The following FSTL4 variants were observed in gnomAD, a reference collection of about 807,000 sequenced individuals.
The protein encoded by FSTL4 is follistatin-related protein 4.
A neutral mutation model predicts 78.2 loss-of-function variants in FSTL4; 28 were observed. The observed-to-expected ratio is 0.36, with a 90% CI of 0.27 to 0.49. The LOEUF is 0.49. Ranked by LOEUF, FSTL4 falls within the 20% of genes least tolerant of loss-of-function variation. The pLI is 0.98. For missense variants in FSTL4, 922 were observed against 1,084.9 expected (o/e 0.85, Z 2.11); for synonymous variants, 422 against 440.5 (o/e 0.96, Z 0.53).
chr5:133,346,590 C>T lies in FSTL4; in HGVS notation c.410-29938G>A, dbSNP rs75933531. On this transcript the variant is annotated intron_variant, in intron 4 of 15. Transcript: ENST00000265342. ...AATGTTCTGAAATATCAAGAGGATACGCAACTATACAACTGTGGGTCTTTT... is the reference window on the plus strand; with the variant it reads ...AATGTTCTGAAATATCAAGAGGATATGCAACTATACAACTGTGGGTCTTTT... Among the ~76,000 whole-genome samples the T allele has an allele frequency of 5.5e-3, 833 of 152,098 alleles. 7 individuals are homozygous for T. The highest frequency in any genetic ancestry group is 0.019 in the African/African-American group (792 of 41,506).
the FSTL4 span, among the ~76,000 whole-genome samples, chr5:133,685,537 G>A: frequency 6.6e-6 from 1 of 152,248 alleles, no homozygotes. Flanking sequence ...AGACAGTGAA[G>A]TGCTGCATTC....
At chr5:133,251,753 A>T (rs1014798199) in intron 6 of FSTL4, among the ~76,000 whole-genome samples, 5 of 152,124 alleles carry the variant, frequency 3.3e-5, no homozygotes, top group Middle Eastern at 3.4e-3. Context: ...CCTAGACCGA[A>T]CCCCTGGTGT....
rs187529248 is a variant in FSTL4 at position 133,201,387 on chromosome 5, G to A, written c.1826+546C>T. 7.2e-5 allele frequency among the ~76,000 whole-genome samples: 11 copies of A among 152,296 alleles called. No homozygotes were observed. The South Asian group carries it at 1.5e-3, about 20-fold the overall frequency. On this transcript the variant is annotated intron_variant, in intron 15 of 15. Transcript: ENST00000265342. ...AATCAGGAAGCCTTGTCTCGTTGTG[G>A]GCTCCCCACACAGATGCTCTGGGGG...
the FSTL4 span, among the ~76,000 whole-genome samples, chr5:133,731,611 TG>T: frequency 2.6e-5 from 4 of 152,080 alleles, no homozygotes; most frequent in Admixed American, 2.0e-4. Context: ...TTGGCTTGGG[TG>T]GGGGGCCAAG....
chr5:133,506,690 G>C (rs1224854433), intron 3 of FSTL4, among the ~76,000 whole-genome samples: 1 of 152,196 alleles, frequency 6.6e-6, no homozygotes, highest in Non-Finnish European at 1.5e-5. Flanking sequence ...GAATTTGAGG[G>C]TTAAGGCAGG....
At chr5:133,547,383 C>A (rs1006449432) in intron 3 of FSTL4, among the ~76,000 whole-genome samples, 1 of 152,108 alleles carries the variant, frequency 6.6e-6, no homozygotes, top group Non-Finnish European at 1.5e-5. Flanking sequence ...CAAGTTAAGA[C>A]CTTTGGGACT....
chr5:133,392,982 T>G (rs967266292), intron 4 of FSTL4, among the ~76,000 whole-genome samples: 5 of 152,202 alleles, frequency 3.3e-5, no homozygotes, highest in African/African-American at 1.2e-4. Context: ...CTTGCACATT[T>G]GCGGGGTGCT....
rs572846957 is a variant in FSTL4, at chr5:133,198,987, G to A, written c.*108C>T. ...GGAGACCAGTGTTGAACCACAAAGC[G>A]AGTACAGGTTTTTGCTTTTGTCTGT... On this transcript the variant is annotated 3_prime_UTR_variant, in exon 16 of 16. Coordinates refer to ENST00000265342, the MANE Select transcript of FSTL4 (RefSeq NM_015082.2). 1.7e-5 allele frequency: 11 copies of A among 633,638 alleles called. No homozygotes were observed. Among genetic ancestry groups the A allele is most frequent in the Admixed American group, 6.1e-5 (2 of 32,626 alleles). 39.3% of individuals were successfully genotyped at this position (633,638 alleles called of 1,614,324 possible). A position where few individuals can be genotyped will look rare whatever the true frequency, so the allele number is the denominator to read the frequency against.
intron 3 of FSTL4, among the ~76,000 whole-genome samples, chr5:133,421,525 G>A (rs1471749468): frequency 6.6e-6 from 1 of 152,220 alleles, no homozygotes; most frequent in Non-Finnish European, 1.5e-5. Flanking sequence ...CATTCGCTGA[G>A]CTCTTCGCTT....
the FSTL4 span, among the ~76,000 whole-genome samples, chr5:133,704,783 TGCCAGCAG>T: frequency 0.024 from 3,716 of 152,344 alleles, 154 homozygotes; most frequent in African/African-American, 0.086. Flanking sequence ...AGGCCAGTTC[TGCCAGCAG>T]TAACCTCTGC....
At chr5:133,577,317 A>C (rs1308256706) in intron 2 of FSTL4, among the ~76,000 whole-genome samples, 1 of 152,120 alleles carries the variant, frequency 6.6e-6, no homozygotes, top group African/African-American at 2.4e-5. Flanking sequence ...AAAAACACCG[A>C]AGGGGTGCTG....
chr5:133,506,535 C>T (rs1297935463), intron 3 of FSTL4, among the ~76,000 whole-genome samples: 2 of 152,012 alleles, frequency 1.3e-5, no homozygotes, highest in African/African-American at 2.4e-5. Context: ...ACAAGCAGGA[C>T]GAATAAAAAT....
intron 4 of FSTL4, among the ~76,000 whole-genome samples, chr5:133,355,010 G>A (rs1476104307): frequency 1.3e-5 from 2 of 152,212 alleles, no homozygotes; most frequent in East Asian, 1.9e-4. Flanking sequence ...TGTCAGCAGC[G>A]GTCTCTGGCT....
At chr5:133,725,717 C>T in the FSTL4 span, among the ~76,000 whole-genome samples, 2 of 152,154 alleles carry the variant, frequency 1.3e-5, no homozygotes, top group African/African-American at 4.8e-5. Flanking sequence ...ATTAATAACA[C>T]TCTTTATAAT....
chr5:133,692,549 C>G, the FSTL4 span, among the ~76,000 whole-genome samples: 1 of 152,180 alleles, frequency 6.6e-6, no homozygotes, highest in South Asian at 2.1e-4. Flanking sequence ...TTGCAAAGCA[C>G]AGAAATTGAC....
chr5:133,796,047 C>A, the FSTL4 span, among the ~76,000 whole-genome samples: 1 of 152,224 alleles, frequency 6.6e-6, no homozygotes, highest in African/African-American at 2.4e-5. Flanking sequence ...TCTTACCAGC[C>A]CCCCTCCCAC....
At chr5:133,801,732 C>A in the FSTL4 span, among the ~76,000 whole-genome samples, 1 of 152,216 alleles carries the variant, frequency 6.6e-6, no homozygotes, top group Middle Eastern at 3.2e-3. Flanking sequence ...GCTGAAGAGA[C>A]AAGAGGAGGC....
the FSTL4 span, among the ~76,000 whole-genome samples, chr5:133,646,095 G>A: frequency 2.0e-5 from 3 of 152,276 alleles, no homozygotes; most frequent in South Asian, 2.1e-4. Flanking sequence ...AACAGATAAT[G>A]ATCAGGTGGA....
chr5:133,700,896 C>T, the FSTL4 span, among the ~76,000 whole-genome samples: 1 of 152,234 alleles, frequency 6.6e-6, no homozygotes, highest in Non-Finnish European at 1.5e-5. Flanking sequence ...GACTCCAAAT[C>T]TTCCATGCAC....
Sources: gnomAD v4.1 joint callset for allele counts (sites outside exome capture counted in the v4.1 genomes callset) on GRCh38, gnomAD v4.1.1 for gene constraint, MANE v1.5 for transcripts, NCBI Gene and HGNC (gene_info 2026-07-23, HGNC 2026-07-21) for gene names.